The following KLHL5 variants were observed in gnomAD, a reference collection of about 807,000 sequenced individuals.
KLHL5 encodes kelch like family member 5.
In KLHL5, 48 loss-of-function variants were observed where a neutral mutation model predicts 77.7. The ratio of observed to expected loss-of-function variants is 0.62; its 90% CI spans 0.49 to 0.79. The LOEUF (loss-of-function observed/expected upper bound fraction) is 0.79. Ranked by LOEUF, KLHL5 falls within the 30% of genes least tolerant of loss-of-function variation. The pLI is 0.00. For missense variants in KLHL5, 723 were observed against 859.7 expected, an observed-to-expected ratio of 0.84 and a Z score of 1.99; for synonymous variants, 260 against 297.0, an observed-to-expected ratio of 0.88 and a Z score of 1.28.
upstream of KLHL5, among the ~76,000 whole-genome samples, chr4:39,060,970 A>G (rs1222107818): frequency 6.6e-6 from 1 of 152,150 alleles, no homozygotes; most frequent in African/African-American, 2.4e-5. Flanking sequence ...GATCAAACTG[A>G]TTATTTCCCA....
chr4:39,057,904 T>C (rs922666584), upstream of KLHL5, among the ~76,000 whole-genome samples: 1 of 152,228 alleles, frequency 6.6e-6, no homozygotes, highest in Non-Finnish European at 1.5e-5. Context: ...AGTGAAGACA[T>C]AGCTTTAAAA....
chr4:39,067,534 A>G (rs1717999287), intron 1 of KLHL5, among the ~76,000 whole-genome samples: 1 of 152,184 alleles, frequency 6.6e-6, no homozygotes, highest in South Asian at 2.1e-4. Context: ...GACTAATCAC[A>G]GAGTTCAGCT....
At chr4:39,119,322 C>T (rs1050635316) in intron 10 of KLHL5, among the ~76,000 whole-genome samples, 3 of 152,144 alleles carry the variant, frequency 2.0e-5, no homozygotes, top group Non-Finnish European at 4.4e-5. Flanking sequence ...CATGGTGGCT[C>T]ACCCCTGTAA....
rs1721743759 is a variant in KLHL5, at chr4:39,103,171, T to C, written c.1301-116T>C. The C allele has an allele frequency of 2.1e-5, 17 of 826,844 alleles. No individual in the cohort carries two copies. In the South Asian group the frequency reaches 2.6e-4, roughly 12 times the overall value. The allele number at this position is 826,844 out of a possible 1,614,324, so 51.2% of individuals were successfully genotyped here. A position where few individuals can be genotyped will look rare whatever the true frequency, so the allele number is the denominator to read the frequency against. ...GATCATGCAGGACCTTCATGAAATA[T>C]AATAAAATTATTATTCTCAATGCTA... On this transcript the variant is annotated intron_variant, in intron 6 of 10. Coordinates refer to ENST00000504108, the MANE Select transcript of KLHL5 (RefSeq NM_015990.5).
At chr4:39,131,238 T>C (rs1209939535), downstream of KLHL5, among the ~76,000 whole-genome samples, 4 of 152,154 alleles carry the variant, frequency 2.6e-5, no homozygotes, top group African/African-American at 9.7e-5. Flanking sequence ...CAGTGCAAGA[T>C]ATACAATTTA....
intron 1 of KLHL5, among the ~76,000 whole-genome samples, chr4:39,050,825 T>C (rs1389102708): frequency 1.3e-5 from 2 of 152,232 alleles, no homozygotes; most frequent in East Asian, 3.9e-4. Flanking sequence ...CTGATTATGA[T>C]AATCAGGATA....
Position 39,121,035 on chromosome 4 carries a change from C to A in KLHL5, c.2099C>A (p.Ala700Asp). 1 of 1,613,366 alleles carries A rather than the reference C, an allele frequency of 6.2e-7. No individual in the cohort carries two copies. Among genetic ancestry groups the A allele is most frequent in the Admixed American group, 1.7e-5 (1 of 60,026 alleles). Residue 700 changes from alanine to aspartate, a missense_variant, in exon 11 of 11, where the codon GCT becomes GAT. By Grantham distance (126) the Ala-to-Asp change is moderately radical. Coordinates refer to ENST00000504108, the MANE Select transcript of KLHL5 (RefSeq NM_015990.5). ...GTTGCTCCACTGTGCCTAGGAAGAG[C>A]TGGAGCTTGTGTTGTGACTGTAAAA... ...TQVAPLCLGRAGACVVTVKL is the reference protein window; with the variant it reads ...TQVAPLCLGRDGACVVTVKL
At chr4:39,141,510 A>G in the KLHL5 span, among the ~76,000 whole-genome samples, 2 of 151,836 alleles carry the variant, frequency 1.3e-5, no homozygotes, top group African/African-American at 4.8e-5. Flanking sequence ...ACGGAATTTC[A>G]CCGTGTTAGC....
intron 10 of KLHL5, among the ~76,000 whole-genome samples, chr4:39,117,528 A>G (rs868389338): frequency 3.9e-5 from 6 of 152,152 alleles, no homozygotes; most frequent in Admixed American, 3.9e-4. Context: ...AGATGGATTC[A>G]AGAGATATTG....
intron 2 of KLHL5, among the ~76,000 whole-genome samples, chr4:39,079,870 C>G (rs537036111): frequency 6.6e-6 from 1 of 152,236 alleles, no homozygotes; most frequent in South Asian, 2.1e-4. Context: ...TCTGAAGAAG[C>G]AACCAATGGC....
chr4:39,118,146 G>A (rs1722977864), intron 10 of KLHL5, among the ~76,000 whole-genome samples: 2 of 122,410 alleles, frequency 1.6e-5, no homozygotes, highest in South Asian at 5.4e-4. Context: ...TAGAAAGTTA[G>A]TATTTATTGA....
At position 39,122,752 on chromosome 4, in the gene KLHL5, G is replaced by T. The variant is rs1430270253; in HGVS notation, c.*1686G>T. 1.3e-5 allele frequency among the ~76,000 whole-genome samples: 2 copies of T among 152,076 alleles called. No individual in the cohort carries two copies. The highest frequency in any genetic ancestry group is 2.9e-5 in the Non-Finnish European group (2 of 68,024). On this transcript the variant is annotated 3_prime_UTR_variant, in exon 11 of 11. Coordinates refer to ENST00000504108, the MANE Select transcript of KLHL5 (RefSeq NM_015990.5). ...GGCGTGAACCCAGGAGGAGGAGCTT[G>T]CAGTGTGCCAAGATCGCACCACTGC...
chr4:39,139,019 C>T, the KLHL5 span, among the ~76,000 whole-genome samples: 9 of 152,236 alleles, frequency 5.9e-5, 1 homozygote, highest in South Asian at 1.2e-3. Flanking sequence ...TGGTGGCTCA[C>T]GCCTGTAATC....
At position 39,048,638 on chromosome 4, in the gene KLHL5, C is replaced by CTTTTTTTTT. The variant is rs34713116; in HGVS notation, c.-95+3555_-95+3563dup. Among the ~76,000 whole-genome samples the CTTTTTTTTT allele has an allele frequency of 4.9e-4, 39 of 79,142 alleles. 1 individual carries two copies. Among genetic ancestry groups the CTTTTTTTTT allele is most frequent in the African/African-American group, 1.4e-3 (26 of 18,592 alleles). The allele number at this position is 79,142 out of a possible 152,430, so 51.9% of individuals were successfully genotyped here. A position where few individuals can be genotyped will look rare whatever the true frequency, so the allele number is the denominator to read the frequency against. On this transcript the variant is annotated intron_variant, in intron 1 of 11. Coordinates refer to the KLHL5 transcript ENST00000261425. ...AAAGGATGTGGTGATTTTACATTGG[C>CTTTTTTTTT]TTTTTTTTTTTTTTTTTTTTTGGAG...
chr4:39,045,753 A>C (rs75816052), intron 1 of KLHL5, among the ~76,000 whole-genome samples: 2,004 of 152,170 alleles, frequency 0.013, 44 homozygotes, highest in African/African-American at 0.045. Flanking sequence ...CATTTTCAAA[A>C]ATATTCTTCA....
chr4:39,139,615 G>C, the KLHL5 span, among the ~76,000 whole-genome samples: 3 of 152,136 alleles, frequency 2.0e-5, no homozygotes, highest in African/African-American at 7.2e-5. Context: ...GGTTGATAAC[G>C]GGGGAAGGCT....
intron 6 of KLHL5, among the ~76,000 whole-genome samples, chr4:39,097,890 G>T (rs777904730): frequency 6.6e-6 from 1 of 152,044 alleles, no homozygotes; most frequent in Non-Finnish European, 1.5e-5. Context: ...TAGCACTTTG[G>T]GAGGCCGAGG....
chr4:39,082,237 C>T, intron 4 of KLHL5, 78 bp downstream of exon 4: 1 of 1,170,554 alleles, frequency 8.5e-7, no homozygotes, highest in Non-Finnish European at 1.2e-6. Context: ...CTGCATGTTA[C>T]TGTTTTCCCA....
rs1325670408 is a variant in KLHL5, at chr4:39,121,036, T to C, written c.2100T>C (p.Ala700=). 7 of 1,613,262 alleles carry C rather than the reference T, an allele frequency of 4.3e-6. No homozygotes were observed. Among genetic ancestry groups the C allele is most frequent in the Non-Finnish European group, 5.9e-6 (7 of 1,179,426 alleles). The change falls in exon 11 of 11, where the codon GCT becomes GCC. Residue 700 remains alanine (A), a synonymous_variant. Transcript: ENST00000504108. The stretch of plus-strand genomic sequence containing the variant: ...TTGCTCCACTGTGCCTAGGAAGAGC[T>C]GGAGCTTGTGTTGTGACTGTAAAAT... ...TQVAPLCLGR[A]GACVVTVKL
Sources: gnomAD v4.1 joint callset for allele counts (sites outside exome capture counted in the v4.1 genomes callset) on GRCh38, gnomAD v4.1.1 for gene constraint, MANE v1.5 for transcripts, NCBI Gene and HGNC (gene_info 2026-07-23, HGNC 2026-07-21) for gene names.